The following NME8 variants were observed in gnomAD, a reference collection of about 807,000 sequenced individuals.
NME8 encodes the protein protein NME8.
A neutral mutation model predicts 82.3 loss-of-function variants in NME8; 72 were observed. The ratio of observed to expected loss-of-function variants is 0.87; its 90% CI spans 0.72 to 1.06. NME8 has a LOEUF of 1.06. Ranked by LOEUF, NME8 falls within the 50% of genes least tolerant of loss-of-function variation. The pLI, the probability that NME8 is intolerant of heterozygous loss-of-function variation, is 0.00. For missense variants in NME8, 712 were observed against 685.4 expected (o/e 1.04, Z -0.43); for synonymous variants, 267 against 228.5 (o/e 1.17, Z -1.52).
At chr7:37,850,470 G>A (rs374519602) in intron 4 of NME8, 35 bp downstream of exon 4, 172 of 1,611,472 alleles carry the variant, frequency 1.1e-4, no homozygotes, top group Non-Finnish European at 1.4e-4. Flanking sequence ...GCCACCTGGG[G>A]TTTGACCCGG....
intron 11 of NME8, among the ~76,000 whole-genome samples, chr7:37,868,713 T>A (rs894388312): frequency 3.3e-5 from 5 of 152,122 alleles, no homozygotes; most frequent in African/African-American, 1.2e-4. Flanking sequence ...GCCAACTCAG[T>A]CTCCTCTCCC....
At chr7:37,874,868 T>C (rs1223000449) in intron 11 of NME8, among the ~76,000 whole-genome samples, 1 of 152,180 alleles carries the variant, frequency 6.6e-6, no homozygotes, top group African/African-American at 2.4e-5. Flanking sequence ...AGAGATTACT[T>C]ATTAATTATA....
intron 6 of NME8, among the ~76,000 whole-genome samples, chr7:37,857,961 CTGAGGTGGGAGGATTGCT>C (rs1784537695): frequency 6.6e-6 from 1 of 152,110 alleles, no homozygotes; most frequent in Non-Finnish European, 1.5e-5. Context: ...CTTTGGGAGG[CTGAGGTGGGAGGATTGCT>C]TGAGGCCAGG....
chr7:37,867,984 A>G, intron 11 of NME8, 86 bp downstream of exon 11: 1 of 1,075,234 alleles, frequency 9.3e-7, no homozygotes, highest in South Asian at 1.3e-5. Context: ...ACCTAAGGGC[A>G]AATGTTTTTA....
At chr7:37,864,211 G>T (rs755303271) in intron 8 of NME8, 137 bp from the exon 9 acceptor site, 1 of 1,064,208 alleles carries the variant, frequency 9.4e-7, no homozygotes, top group Non-Finnish European at 1.4e-6. Flanking sequence ...TTGAAATGCC[G>T]TAGTAAGATA....
intron 11 of NME8, among the ~76,000 whole-genome samples, chr7:37,873,359 C>CAAAAAAAA (rs10647118): frequency 2.1e-4 from 22 of 105,272 alleles, no homozygotes; most frequent in South Asian, 3.3e-4. Flanking sequence ...GACTCTGTCT[C>CAAAAAAAA]AAAAAAAAAA....
chr7:37,888,726 G>A (rs1414259272), intron 15 of NME8, among the ~76,000 whole-genome samples: 2 of 151,862 alleles, frequency 1.3e-5, no homozygotes, highest in Non-Finnish European at 2.9e-5. Flanking sequence ...TTTTTTCCAT[G>A]GATATATTAG....
chr7:37,858,822 G>C (rs1583627733), intron 6 of NME8, among the ~76,000 whole-genome samples: 1 of 152,156 alleles, frequency 6.6e-6, no homozygotes, highest in Non-Finnish European at 1.5e-5. Flanking sequence ...TGTTGGAGGT[G>C]GGGCCTAGTG....
In NME8 at chr7:37,850,875, T is replaced by C. The variant is rs1001913720; in HGVS notation, c.198+140T>C. The C allele has an allele frequency of 2.7e-5, 18 of 662,716 alleles. No homozygotes were observed. In the East Asian group the frequency reaches 4.6e-4, roughly 17 times the overall value. The allele number at this position is 662,716 out of a possible 1,614,324, so 41.1% of individuals were successfully genotyped here. A position where few individuals can be genotyped will look rare whatever the true frequency, so the allele number is the denominator to read the frequency against. On this transcript the variant is annotated intron_variant, in intron 5 of 17. Transcript: ENST00000199447. ...GATAGTCTTTACTTGGCAGTTTTAC[T>C]ATATATTTAATTCTACTAGATCTGA... is the stretch of plus-strand genomic sequence containing the variant.
intron 15 of NME8, among the ~76,000 whole-genome samples, chr7:37,892,525 A>G (rs1025426850): frequency 6.6e-6 from 1 of 151,932 alleles, no homozygotes; most frequent in Non-Finnish European, 1.5e-5. Context: ...GTACACACAC[A>G]CACCTACATA....
intron 6 of NME8, among the ~76,000 whole-genome samples, chr7:37,859,127 C>T (rs1784559671): frequency 6.6e-6 from 1 of 152,142 alleles, no homozygotes. Flanking sequence ...TTCCCAGCTT[C>T]GTGTACTCCT....
chr7:37,868,461 T>C (rs1029965657), intron 11 of NME8, among the ~76,000 whole-genome samples: 1 of 152,194 alleles, frequency 6.6e-6, no homozygotes, highest in Non-Finnish European at 1.5e-5. Context: ...AGATGCCAGC[T>C]TTAAATAATA....
chr7:37,864,555 C>T (rs1784648316), intron 9 of NME8, 134 bp downstream of exon 9: 1 of 880,930 alleles, frequency 1.1e-6, no homozygotes. Context: ...CCTCTAGAGG[C>T]TTTGAGTACT....
chr7:37,870,472 C>G (rs1408988553), intron 11 of NME8, among the ~76,000 whole-genome samples: 9 of 151,204 alleles, frequency 6.0e-5, no homozygotes, highest in Admixed American at 5.9e-4. Context: ...GCCTGTAGTT[C>G]CAGCTACTTG....
Position 37,884,444 on chromosome 7 carries a change from C to G in NME8, c.1136C>G (p.Thr379Ser). 1.2e-6 allele frequency: 2 copies of G among 1,609,794 alleles called. No individual in the cohort carries two copies. The highest frequency in any genetic ancestry group is 2.2e-5 in the South Asian group (2 of 90,920). ...DYFNKLIENM[T>S]SGPSLALVLL... ...TTTAATAAACTTATAGAAAACATGACCAGGTAGAATCCAGGTTGAGAAAAT... is the reference window on the plus strand; with the variant it reads ...TTTAATAAACTTATAGAAAACATGAGCAGGTAGAATCCAGGTTGAGAAAAT... Residue 379 changes from threonine to serine, a missense_variant, in exon 13 of 18, where the codon ACC becomes AGC. Physicochemically the swap from Thr to Ser is moderately conservative, Grantham distance 58 (BLOSUM62 1). Coordinates refer to ENST00000199447, the MANE Select transcript of NME8 (RefSeq NM_016616.5).
At chr7:37,867,627 C>A in intron 10 of NME8, 75 bp from the exon 11 acceptor site, 1 of 1,079,530 alleles carries the variant, frequency 9.3e-7, no homozygotes, top group Non-Finnish European at 1.4e-6. Context: ...TTTCATTTGA[C>A]TTGGGTAGTG....
intron 12 of NME8, among the ~76,000 whole-genome samples, chr7:37,880,095 AT>A (rs1554365207): frequency 6.7e-6 from 1 of 150,086 alleles, no homozygotes; most frequent in Non-Finnish European, 1.5e-5. Context: ...TTGTTTGTTT[AT>A]TTTGAATACA....
rs1199956506 is a variant in NME8 at position 37,894,575 on chromosome 7, A to T, written c.1509A>T (p.Lys503Asn). 3.1e-6 allele frequency: 5 copies of T among 1,599,510 alleles called. No individual in the cohort carries two copies. Among genetic ancestry groups the T allele is most frequent in the Admixed American group, 3.3e-5 (2 of 59,844 alleles). The change falls in exon 16 of 18, where the codon AAA becomes AAT. Residue 503 changes from lysine to asparagine, a missense_variant. Transcript: ENST00000199447. ...AAATTTATCCAAAAGTAACAGGAAA[A>T]GACTTTTATAAAGATTTATTGGAAA... Reference protein sequence around the residue: ...IEKIYPKVTGKDFYKDLLEML... With the variant: ...IEKIYPKVTGNDFYKDLLEML...
At chr7:37,853,354 A>G (rs547759445) in intron 5 of NME8, among the ~76,000 whole-genome samples, 27 of 152,300 alleles carry the variant, frequency 1.8e-4, no homozygotes, top group African/African-American at 6.5e-4. Flanking sequence ...GAGAATCACA[A>G]CCACCAGAAA....
Sources: allele counts gnomAD v4.1 joint callset (sites outside exome capture counted in the v4.1 genomes callset), GRCh38; gene constraint gnomAD v4.1.1; transcripts MANE v1.5; gene names NCBI Gene and HGNC (gene_info 2026-07-23, HGNC 2026-07-21).